WNT7B: variants seen among roughly 807,000 people sequenced by gnomAD.
WNT7B encodes Wnt family member 7B, also known as protein Wnt-7b.
Under a neutral mutation model 38.2 loss-of-function variants are expected in WNT7B, and 19 were observed. That is an observed-to-expected ratio of 0.50 (90% CI 0.35 to 0.73). WNT7B has a LOEUF of 0.73. WNT7B is among the 30% of genes least tolerant of loss of function. The pLI is 0.01. For missense variants in WNT7B, 423 were observed against 507.9 expected, an observed-to-expected ratio of 0.83 and a Z score of 1.61; for synonymous variants, 243 against 209.3, an observed-to-expected ratio of 1.16 and a Z score of -1.39.
chr22:45,952,714 T>A (rs1931962166), intron 1 of WNT7B, among the ~76,000 whole-genome samples: 1 of 152,196 alleles, frequency 6.6e-6, no homozygotes, highest in Non-Finnish European at 1.5e-5. Flanking sequence ...GGACTTAGTG[T>A]GGACCCTGGG....
In WNT7B at chr22:45,931,236, G is replaced by A. The variant is rs775527665; in HGVS notation, c.432C>T (p.Ala144=). The change falls in exon 3 of 4, where the codon GCC becomes GCT. Residue 144 remains alanine, a synonymous_variant. Transcript: ENST00000339464. ...DREKQGYYNQ[A]EGWKWGGCSA... ...AGCAGCCGCCCCACTTCCAGCCCTCGGCTTGGTTGTAGTAGCCCTGCTTCT... is the reference window on the plus strand; with the variant it reads ...AGCAGCCGCCCCACTTCCAGCCCTCAGCTTGGTTGTAGTAGCCCTGCTTCT... The A allele has an allele frequency of 7.5e-6, 12 of 1,599,306 alleles. No homozygotes were observed. The Admixed American group carries it at 8.3e-5, about 11-fold the overall frequency.
intron 1 of WNT7B, among the ~76,000 whole-genome samples, chr22:45,958,720 G>A (rs896268385): frequency 1.3e-5 from 2 of 152,158 alleles, no homozygotes; most frequent in African/African-American, 4.8e-5. Flanking sequence ...CCCGGGGCTG[G>A]CCAGTGCCCT....
At chr22:45,934,081 C>T (rs1931450207) in intron 2 of WNT7B, among the ~76,000 whole-genome samples, 1 of 152,262 alleles carries the variant, frequency 6.6e-6, no homozygotes, top group Non-Finnish European at 1.5e-5. Context: ...CCCATTTCAC[C>T]TGGACGTTAG....
intron 2 of WNT7B, among the ~76,000 whole-genome samples, chr22:45,932,925 G>A (rs910210823): frequency 2.6e-5 from 4 of 152,224 alleles, no homozygotes; most frequent in African/African-American, 7.2e-5. Context: ...TGGGGCTGAG[G>A]TGACAGCCCG....
Position 45,976,807 on chromosome 22 carries a change from G to C in WNT7B, c.-53C>G, listed in dbSNP as rs1305999983. ...ACAGCGGCGGCCGGAGGGGACGCGC[G>C]GGCCCGGCAGGGCCGGGCAGGGGCC... On this transcript the variant is annotated 5_prime_UTR_variant, in exon 1 of 4. Transcript: ENST00000339464. The surrounding 1 kb of genome is among the most constrained non-coding windows in gnomAD (Gnocchi z 8.5). 7.9e-6 allele frequency: 12 copies of C among 1,525,828 alleles called. No homozygotes were observed. Among genetic ancestry groups the C allele is most frequent in the Non-Finnish European group, 9.7e-6 (11 of 1,129,304 alleles). The allele number at this position is 1,525,828 out of a possible 1,614,324, so 94.5% of individuals were successfully genotyped here.
intron 1 of WNT7B, among the ~76,000 whole-genome samples, chr22:45,952,605 C>T (rs1044035823): frequency 6.6e-6 from 1 of 152,404 alleles, no homozygotes; most frequent in East Asian, 1.9e-4. Flanking sequence ...TCAGTCCCAG[C>T]CTGAGGGACA....
chr22:45,933,564 T>G (rs1931433665), intron 2 of WNT7B, among the ~76,000 whole-genome samples: 2 of 144,956 alleles, frequency 1.4e-5, no homozygotes, highest in South Asian at 2.2e-4. Context: ...CTCATGGGGG[T>G]AGGGGGAGGG....
At chr22:45,972,257 C>A (rs1303043984) in intron 1 of WNT7B, 2 of 626,842 alleles carry the variant, frequency 3.2e-6, no homozygotes, top group Non-Finnish European at 2.9e-6. Flanking sequence ...GCGTGCCTGG[C>A]GGGGCTGAAC....
At chr22:45,947,416 G>GTATGGGGAAATGATA (rs1931822048) in intron 2 of WNT7B, among the ~76,000 whole-genome samples, 1 of 152,264 alleles carries the variant, frequency 6.6e-6, no homozygotes, top group Non-Finnish European at 1.5e-5. Flanking sequence ...GCCCTGAGGT[G>GTATGGGGAAATGATA]TATGGGGAAA....
chr22:45,929,834 T>C (rs1230038089), intron 3 of WNT7B, among the ~76,000 whole-genome samples: 5 of 120,392 alleles, frequency 4.2e-5, no homozygotes, highest in Non-Finnish European at 9.0e-5. Context: ...CCATGCACTC[T>C]TCTATACATC....
intron 1 of WNT7B, among the ~76,000 whole-genome samples, chr22:45,955,347 A>C (rs1932033994): frequency 6.6e-6 from 1 of 152,232 alleles, no homozygotes; most frequent in African/African-American, 2.4e-5. Flanking sequence ...TGGGGGAAAA[A>C]TATCTACCAA....
At chr22:45,963,490 C>T (rs1932241465) in intron 1 of WNT7B, among the ~76,000 whole-genome samples, 2 of 152,278 alleles carry the variant, frequency 1.3e-5, no homozygotes, top group East Asian at 3.9e-4. Flanking sequence ...GAGTGCCGTC[C>T]CTGCCTTCCC....
chr22:45,932,992 T>G (rs1463024652), intron 2 of WNT7B, among the ~76,000 whole-genome samples: 1 of 152,222 alleles, frequency 6.6e-6, no homozygotes, highest in Non-Finnish European at 1.5e-5. Flanking sequence ...ACCAACGGCA[T>G]GCCCAGCTTT....
At chr22:45,949,891 G>A in intron 2 of WNT7B, 29 bp downstream of exon 2, 2 of 1,590,574 alleles carry the variant, frequency 1.3e-6, no homozygotes, top group South Asian at 1.1e-5. Context: ...CACAATGGCT[G>A]GGCCCCTTGA....
Position 45,949,223 on chromosome 22 carries a change from G to C in WNT7B, c.298+697C>G, listed in dbSNP as rs535811846. 8.5e-5 allele frequency among the ~76,000 whole-genome samples: 13 copies of C among 152,344 alleles called. No individual in the cohort carries two copies. In the South Asian group the frequency reaches 2.5e-3, roughly 29 times the overall value. On this transcript the variant is annotated intron_variant, in intron 2 of 3. Coordinates refer to ENST00000339464, the MANE Select transcript of WNT7B (RefSeq NM_058238.3). ...CCTTACCCCCAAGGCTGTGAGGACAGGGAGGGGTTGTGGCCTCAGGGGCTG... is the reference window on the plus strand; with the variant it reads ...CCTTACCCCCAAGGCTGTGAGGACACGGAGGGGTTGTGGCCTCAGGGGCTG...
At position 45,931,169 on chromosome 22, in the gene WNT7B, C is replaced by G. The variant is rs979479718; in HGVS notation, c.499G>C (p.Val167Leu). The part of the protein sequence containing the change: ...RYGIDFSRRF[V>L]DAREIKKNAR... ...TTCTTCTTGATCTCCCGAGCGTCCA[C>G]GAAGCGCCGGGAGAAGTCGATGCCG... The change falls in exon 3 of 4, where the codon GTG (valine) becomes CTG (leucine). Residue 167 changes from valine (V) to leucine (L), a missense_variant. This residue lies in a region of WNT7B where 132 missense variants were observed against 113.4 expected (regional missense o/e 1.16). Transcript: ENST00000339464. 1.5e-5 allele frequency: 24 copies of G among 1,599,498 alleles called. No homozygotes were observed. Among genetic ancestry groups the G allele is most frequent in the Non-Finnish European group, 2.0e-5 (23 of 1,179,484 alleles).
At chr22:45,928,023 A>AGTCTCCTCC (rs1171281129) in intron 3 of WNT7B, among the ~76,000 whole-genome samples, 1 of 152,196 alleles carries the variant, frequency 6.6e-6, no homozygotes, top group Non-Finnish European at 1.5e-5. Flanking sequence ...AGAGCCAGGA[A>AGTCTCCTCC]GTCTCCTCCC....
At chr22:45,946,064 C>CT (rs557027767) in intron 2 of WNT7B, among the ~76,000 whole-genome samples, 60,175 of 151,944 alleles carry the variant, frequency 0.4, 12,327 homozygotes, top group South Asian at 0.54. Context: ...ACTCTGGGCT[C>CT]TAGGGGGATG....
At chr22:45,957,120 A>G (rs1479274297) in intron 1 of WNT7B, among the ~76,000 whole-genome samples, 1 of 150,650 alleles carries the variant, frequency 6.6e-6, no homozygotes, top group African/African-American at 2.5e-5. Context: ...AAAAAAAAAA[A>G]AAAAATCCCC....
Sources: gnomAD v4.1 joint callset for allele counts (sites outside exome capture counted in the v4.1 genomes callset) on GRCh38, gnomAD v4.1.1 for gene constraint, gnomAD v4.1.1 regional missense constraint, Gnocchi (gnomAD v3.1) non-coding constraint, MANE v1.5 for transcripts, NCBI Gene and HGNC (gene_info 2026-07-23, HGNC 2026-07-21) for gene names.